The following FAM168A variants were observed in gnomAD, a reference collection of about 807,000 sequenced individuals.
FAM168A encodes the protein protein FAM168A.
In FAM168A, 3 loss-of-function variants were observed where a neutral mutation model predicts 28.5. The ratio of observed to expected loss-of-function variants is 0.11; its 90% confidence interval spans 0.05 to 0.27. FAM168A has a LOEUF of 0.27. Among genes scored for constraint, FAM168A ranks in the 10% least tolerant of loss-of-function variants. The pLI is 1.00. For missense variants in FAM168A, 222 were observed against 311.5 expected (o/e 0.71, Z 2.16); for synonymous variants, 122 against 124.2 (o/e 0.98, Z 0.12).
intron 1 of FAM168A, among the ~76,000 whole-genome samples, chr11:73,510,384 C>A (rs994406028): frequency 6.6e-6 from 1 of 152,140 alleles, no homozygotes; most frequent in African/African-American, 2.4e-5. Flanking sequence ...GTAGTAGAGC[C>A]TCGTAGGGAG....
intron 2 of FAM168A, among the ~76,000 whole-genome samples, chr11:73,453,544 T>A (rs1160297390): frequency 6.6e-6 from 1 of 152,236 alleles, no homozygotes; most frequent in Non-Finnish European, 1.5e-5. Flanking sequence ...GCTCTACCCA[T>A]GACTAGATCT....
At chr11:73,428,164 G>T (rs1057193984) in intron 3 of FAM168A, among the ~76,000 whole-genome samples, 1 of 152,090 alleles carries the variant, frequency 6.6e-6, no homozygotes, top group African/African-American at 2.4e-5. Context: ...CCAAAGAAGA[G>T]AACTGAGCTC....
intron 1 of FAM168A, among the ~76,000 whole-genome samples, chr11:73,470,902 A>G (rs542799153): frequency 2.0e-5 from 3 of 152,308 alleles, no homozygotes; most frequent in African/African-American, 7.2e-5. Context: ...TTTATAATCA[A>G]AGAAACTCAT....
intron 1 of FAM168A, among the ~76,000 whole-genome samples, chr11:73,553,559 G>A (rs138346877): frequency 3.9e-5 from 6 of 152,284 alleles, no homozygotes; most frequent in African/African-American, 1.4e-4. Context: ...AGAGCCACTC[G>A]TCTACTCCTG....
chr11:73,472,264 C>A (rs1264866741), intron 1 of FAM168A, among the ~76,000 whole-genome samples: 2 of 152,150 alleles, frequency 1.3e-5, no homozygotes, highest in African/African-American at 4.8e-5. Flanking sequence ...GACATCTGAG[C>A]AAACACCTGA....
At chr11:73,452,409 A>T (rs1414251283) in intron 2 of FAM168A, 2 of 152,440 alleles carry the variant, frequency 1.3e-5, no homozygotes, top group Admixed American at 1.3e-4. Flanking sequence ...TCCTGCCAAA[A>T]AGCAGTGGGG....
intron 1 of FAM168A, among the ~76,000 whole-genome samples, chr11:73,505,732 T>C (rs1855104390): frequency 6.6e-6 from 1 of 152,164 alleles, no homozygotes; most frequent in Admixed American, 6.5e-5. Flanking sequence ...CGTAACCCCT[T>C]TGTGAAGTAC....
At chr11:73,512,545 G>A (rs1472112861) in intron 1 of FAM168A, among the ~76,000 whole-genome samples, 1 of 151,794 alleles carries the variant, frequency 6.6e-6, no homozygotes, top group Non-Finnish European at 1.5e-5. Context: ...TTTCAAAGGG[G>A]GATAAGGGTG....
chr11:73,492,880 G>A (rs1371955284), intron 1 of FAM168A, among the ~76,000 whole-genome samples: 2 of 152,134 alleles, frequency 1.3e-5, no homozygotes, highest in East Asian at 1.9e-4. Context: ...ATGGATGCAG[G>A]TGGAGGCCAT....
At chr11:73,498,200 C>T (rs183389429) in intron 1 of FAM168A, among the ~76,000 whole-genome samples, 3 of 152,212 alleles carry the variant, frequency 2.0e-5, no homozygotes, top group Admixed American at 2.0e-4. Flanking sequence ...AATCCTTCGC[C>T]GGCCACCAAG....
intron 1 of FAM168A, among the ~76,000 whole-genome samples, chr11:73,488,130 C>CT (rs34343909): frequency 0.015 from 2,161 of 143,982 alleles, 49 homozygotes; most frequent in African/African-American, 0.046. Context: ...CATGTGGGGC[C>CT]TTTTTTTTTT....
rs533581395 is a variant in FAM168A, at chr11:73,559,172, C to G, written c.-19+38751G>C. On this transcript the variant is annotated intron_variant, in intron 1 of 7. Transcript: ENST00000356467. Reference sequence around the variant, plus strand: ...CCCGTAATCCTATCACTTTGGGACGCCGAGGCAGGTGGATCACCTGAGGTC... The same window carrying G: ...CCCGTAATCCTATCACTTTGGGACGGCGAGGCAGGTGGATCACCTGAGGTC... Among the ~76,000 whole-genome samples the G allele has an allele frequency of 4.6e-5, 7 of 152,258 alleles. No individual in the cohort carries two copies. The South Asian group carries it at 1.4e-3, about 32-fold the overall frequency.
intron 1 of FAM168A, among the ~76,000 whole-genome samples, chr11:73,549,217 T>C (rs1358139853): frequency 6.6e-6 from 1 of 152,108 alleles, no homozygotes; most frequent in Non-Finnish European, 1.5e-5. Context: ...ACTGGGATTA[T>C]AGGCATGAGC....
At chr11:73,525,868 T>G (rs1427733918) in intron 1 of FAM168A, among the ~76,000 whole-genome samples, 1 of 152,334 alleles carries the variant, frequency 6.6e-6, no homozygotes, top group Admixed American at 6.5e-5. Flanking sequence ...AGATATAAGA[T>G]GTACATGTTC....
chr11:73,496,750 C>T (rs1218987421), intron 1 of FAM168A, among the ~76,000 whole-genome samples: 5 of 151,930 alleles, frequency 3.3e-5, no homozygotes, highest in Admixed American at 1.3e-4. Context: ...TTAGTAGAGA[C>T]GGGGTTTCAC....
intron 2 of FAM168A, among the ~76,000 whole-genome samples, chr11:73,458,987 G>A (rs1230524997): frequency 3.3e-5 from 5 of 152,200 alleles, no homozygotes; most frequent in Non-Finnish European, 7.3e-5. Flanking sequence ...AAGTTGTAAA[G>A]TATTGTGCTT....
chr11:73,528,893 A>T (rs1943481050), intron 1 of FAM168A, among the ~76,000 whole-genome samples: 1 of 152,178 alleles, frequency 6.6e-6, no homozygotes, highest in South Asian at 2.1e-4. Flanking sequence ...TGGTCTACCT[A>T]ACTTCAGCCC....
chr11:73,453,140 T>C (rs934022855), intron 2 of FAM168A, among the ~76,000 whole-genome samples: 2 of 152,236 alleles, frequency 1.3e-5, no homozygotes, highest in Non-Finnish European at 2.9e-5. Flanking sequence ...TCTCCTCTGA[T>C]AGCAGGTACA....
intron 2 of FAM168A, among the ~76,000 whole-genome samples, chr11:73,467,671 G>A (rs1867756199): frequency 6.6e-6 from 1 of 152,192 alleles, no homozygotes; most frequent in South Asian, 2.1e-4. Flanking sequence ...AAGCCCCACA[G>A]GGTTCCCTTG....
Sources: gnomAD v4.1 joint callset for allele counts (sites outside exome capture counted in the v4.1 genomes callset) on GRCh38, gnomAD v4.1.1 for gene constraint, MANE v1.5 for transcripts, NCBI Gene and HGNC (gene_info 2026-07-23, HGNC 2026-07-21) for gene names.